Variants in PRDM16 observed in about 807,000 individuals in gnomAD.
The protein encoded by PRDM16 is PR/SET domain 16.
In PRDM16, 23 loss-of-function variants were observed where a neutral mutation model predicts 110.6. The ratio of observed to expected loss-of-function variants is 0.21; its 90% CI spans 0.15 to 0.29. PRDM16 has a LOEUF of 0.29. Ranked by LOEUF, PRDM16 falls within the 10% of genes least tolerant of loss-of-function variation. The pLI, the probability that PRDM16 is intolerant of heterozygous loss-of-function variation, is 1.00. For synonymous variants in PRDM16, 799 were observed against 781.8 expected, an observed-to-expected ratio of 1.02 and a Z score of -0.37; for missense variants, 1,615 against 1,794.3, an observed-to-expected ratio of 0.90 and a Z score of 1.81.
chr1:3,228,244 C>G (rs560697381), intron 2 of PRDM16, among the ~76,000 whole-genome samples: 1 of 152,340 alleles, frequency 6.6e-6, no homozygotes, highest in African/African-American at 2.4e-5. Context: ...ATGGGATGCA[C>G]TTGCGTTCAC....
At chr1:3,108,416 G>T (rs973953457) in intron 1 of PRDM16, among the ~76,000 whole-genome samples, 9 of 152,174 alleles carry the variant, frequency 5.9e-5, no homozygotes, top group Non-Finnish European at 8.8e-5. Flanking sequence ...TCACCTCTGG[G>T]ATTTAAAATG....
At position 3,212,104 on chromosome 1, in the gene PRDM16, C is replaced by T. The variant is rs148120592; in HGVS notation, c.387+25630C>T. On this transcript the variant is annotated intron_variant, in intron 2 of 16. Transcript: ENST00000270722. ...ACCCTGCTAATTTGCACTCCATTCA[C>T]CGGCTCGTGAAACCGTCAGGGCTGC... 5.9e-5 allele frequency among the ~76,000 whole-genome samples: 9 copies of T among 152,338 alleles called. 1 individual carries two copies. The East Asian group carries it at 1.7e-3, about 29-fold the overall frequency.
chr1:3,122,607 A>G (rs1431726643), intron 1 of PRDM16, among the ~76,000 whole-genome samples: 1 of 152,122 alleles, frequency 6.6e-6, no homozygotes, highest in East Asian at 1.9e-4. Flanking sequence ...GGATCATTAT[A>G]CGAGTGGAAA....
intron 2 of PRDM16, 75 bp downstream of exon 2, chr1:3,186,549 A>G: frequency 9.8e-7 from 1 of 1,019,826 alleles, no homozygotes; most frequent in Non-Finnish European, 1.4e-6. Context: ...AGCCGGGCTG[A>G]GCAGCCACTG....
chr1:3,377,644 A>G (rs1475113128), intron 3 of PRDM16, among the ~76,000 whole-genome samples: 2 of 151,914 alleles, frequency 1.3e-5, no homozygotes, highest in Non-Finnish European at 2.9e-5. Flanking sequence ...CCCCCAAACA[A>G]CTCAAAGCCA....
At chr1:3,203,321 C>T (rs1270102846) in intron 2 of PRDM16, among the ~76,000 whole-genome samples, 1 of 152,162 alleles carries the variant, frequency 6.6e-6, no homozygotes, top group African/African-American at 2.4e-5. Flanking sequence ...ACCCACACAA[C>T]CGTTGAGTTC....
intron 1 of PRDM16, among the ~76,000 whole-genome samples, chr1:3,099,806 G>A (rs1027587826): frequency 5.9e-5 from 9 of 152,368 alleles, no homozygotes; most frequent in African/African-American, 2.2e-4. Flanking sequence ...TTATATGGGA[G>A]GAAATGCAGG....
Position 3,201,672 on chromosome 1 carries a change from G to A in PRDM16, c.387+15198G>A, listed in dbSNP as rs1447287519. On this transcript the variant is annotated intron_variant, in intron 2 of 16. Transcript: ENST00000270722. The surrounding 1 kb of genome is among the most constrained non-coding windows in gnomAD (Gnocchi z 4.1). ...GACCCCTGGCAGGTCGGGGACCCCA[G>A]CCACTTCCAGCACCTGCAGGGCAGG... Among the ~76,000 whole-genome samples the A allele has an allele frequency of 6.6e-6, 1 of 152,222 alleles. No individual in the cohort carries two copies. Among genetic ancestry groups the A allele is most frequent in the Non-Finnish European group, 1.5e-5 (1 of 68,028 alleles).
chr1:3,241,002 G>A (rs982413723), intron 2 of PRDM16, among the ~76,000 whole-genome samples: 2 of 152,252 alleles, frequency 1.3e-5, no homozygotes, highest in Non-Finnish European at 2.9e-5. Flanking sequence ...AGGAGCCAGC[G>A]GCGCGTGTGC....
chr1:3,088,496 C>T (rs945474327), intron 1 of PRDM16, among the ~76,000 whole-genome samples: 14 of 146,654 alleles, frequency 9.5e-5, no homozygotes, highest in East Asian at 3.9e-4. Context: ...GATGGAGTCT[C>T]GCTCTGTCAC....
At chr1:3,419,385 G>A (rs1638368421) in intron 12 of PRDM16, among the ~76,000 whole-genome samples, 1 of 152,228 alleles carries the variant, frequency 6.6e-6, no homozygotes, top group South Asian at 2.1e-4. Context: ...CGGGATGGGG[G>A]AGGCATTGAA....
At chr1:3,131,051 G>T (rs1242765573) in intron 1 of PRDM16, among the ~76,000 whole-genome samples, 1 of 152,162 alleles carries the variant, frequency 6.6e-6, no homozygotes, top group Non-Finnish European at 1.5e-5. Flanking sequence ...CTGCAGGGAG[G>T]CCCCTGCCCT....
At chr1:3,122,383 G>A (rs1404436337) in intron 1 of PRDM16, among the ~76,000 whole-genome samples, 3 of 152,104 alleles carry the variant, frequency 2.0e-5, no homozygotes, top group Non-Finnish European at 2.9e-5. Flanking sequence ...GGCAGATCCC[G>A]GAAACAGCAA....
chr1:3,181,323 A>ACACACGG (rs1557508712), intron 1 of PRDM16, among the ~76,000 whole-genome samples: 12 of 30,602 alleles, frequency 3.9e-4, no homozygotes, highest in South Asian at 1.3e-3. Context: ...TACACACGCA[A>ACACACGG]TCTTACACAA....
chr1:3,252,132 C>T (rs1235251239), intron 3 of PRDM16, among the ~76,000 whole-genome samples: 1 of 152,228 alleles, frequency 6.6e-6, no homozygotes, highest in East Asian at 1.9e-4. Context: ...CCTGGCTCCT[C>T]GCTTCTGTGA....
rs542039273 is a variant in PRDM16, at chr1:3,239,805, C to A, written c.388-4282C>A. ...CTCTACAAAAAATACAAAAAATTAG[C>A]CAGACATGGTGGAGCATGCCTCTAA... is the stretch of plus-strand genomic sequence containing the variant. On this transcript the variant is annotated intron_variant, in intron 2 of 16. Coordinates refer to ENST00000270722, the MANE Select transcript of PRDM16 (RefSeq NM_022114.4). Among the ~76,000 whole-genome samples, 70 of 151,936 alleles carry A rather than the reference C, an allele frequency of 4.6e-4. 4 individuals are homozygous for A. The South Asian group carries it at 9.6e-3, about 21-fold the overall frequency.
At chr1:3,322,070 A>C (rs1258992569) in intron 3 of PRDM16, among the ~76,000 whole-genome samples, 2 of 150,926 alleles carry the variant, frequency 1.3e-5, no homozygotes, top group African/African-American at 4.9e-5. Flanking sequence ...TGGGGAGTGC[A>C]CGTGTGTGAG....
chr1:3,116,027 G>A (rs1192978675), intron 1 of PRDM16, among the ~76,000 whole-genome samples: 1 of 152,190 alleles, frequency 6.6e-6, no homozygotes, highest in African/African-American at 2.4e-5. Flanking sequence ...AGGGGGCGGG[G>A]CTCGATGGCA....
At chr1:3,389,093 C>T (rs934153644) in intron 4 of PRDM16, among the ~76,000 whole-genome samples, 1 of 152,194 alleles carries the variant, frequency 6.6e-6, no homozygotes, top group African/African-American at 2.4e-5. Context: ...TCCCCTAACA[C>T]GCCCCAAGAC....
Sources: gnomAD v4.1 joint callset for allele counts (sites outside exome capture counted in the v4.1 genomes callset) on GRCh38, gnomAD v4.1.1 for gene constraint, Gnocchi (gnomAD v3.1) non-coding constraint, MANE v1.5 for transcripts, NCBI Gene and HGNC (gene_info 2026-07-23, HGNC 2026-07-21) for gene names.